The following NRXN1 variants were observed in gnomAD, a reference collection of about 807,000 sequenced individuals.
NRXN1 encodes the protein neurexin 1, also known as neurexin-1.
In NRXN1, 39 loss-of-function variants were observed where a neutral mutation model predicts 150.9. The ratio of observed to expected loss-of-function variants is 0.26; its 90% CI spans 0.20 to 0.34. NRXN1 has a LOEUF of 0.34. Ranked by LOEUF, NRXN1 falls within the 10% of genes least tolerant of loss-of-function variation. The pLI, the probability that NRXN1 is intolerant of heterozygous loss-of-function variation, is 1.00. For synonymous variants in NRXN1, 924 were observed against 757.0 expected, an observed-to-expected ratio of 1.22 and a Z score of -3.62; for missense variants, 1,815 against 1,949.9, an observed-to-expected ratio of 0.93 and a Z score of 1.30.
intron 18 of NRXN1, among the ~76,000 whole-genome samples, chr2:50,111,814 A>C (rs910012235): frequency 6.6e-6 from 1 of 152,054 alleles, no homozygotes; most frequent in Non-Finnish European, 1.5e-5. Context: ...CCATTCTTTA[A>C]CTATCAATCC....
At chr2:50,095,578 A>T (rs1700105779) in intron 18 of NRXN1, among the ~76,000 whole-genome samples, 2 of 152,144 alleles carry the variant, frequency 1.3e-5, no homozygotes, top group Non-Finnish European at 2.9e-5. Context: ...TAAAGGTGAA[A>T]AATGCACTAA....
intron 9 of NRXN1, chr2:50,551,486 C>T (rs749839500): frequency 2.6e-5 from 4 of 152,106 alleles, no homozygotes; most frequent in Non-Finnish European, 4.4e-5. Flanking sequence ...AGGGTATGAG[C>T]AAGAGAGTTC....
intron 18 of NRXN1, among the ~76,000 whole-genome samples, chr2:50,164,699 T>G (rs2059567428): frequency 6.6e-6 from 1 of 152,164 alleles, no homozygotes; most frequent in Non-Finnish European, 1.5e-5. Context: ...CCCCACCGCC[T>G]AATCCTCCTT....
intron 5 of NRXN1, among the ~76,000 whole-genome samples, chr2:50,827,336 CAGTT>C (rs945993712): frequency 3.9e-5 from 6 of 152,074 alleles, no homozygotes; most frequent in African/African-American, 1.4e-4. Flanking sequence ...TGTTTCATAG[CAGTT>C]AGTTTTTTGA....
chr2:50,476,766 C>G (rs1382982751), intron 15 of NRXN1, among the ~76,000 whole-genome samples: 1 of 152,106 alleles, frequency 6.6e-6, no homozygotes, highest in Non-Finnish European at 1.5e-5. Flanking sequence ...GTGCCTTACA[C>G]TATTCTAAAA....
intron 21 of NRXN1, among the ~76,000 whole-genome samples, chr2:50,033,215 G>T (rs1689446434): frequency 6.6e-6 from 1 of 151,920 alleles, no homozygotes. Context: ...CATGCTACCT[G>T]ATTTCAAAGA....
At chr2:50,471,162 A>G (rs558352600) in intron 16 of NRXN1, among the ~76,000 whole-genome samples, 2 of 151,784 alleles carry the variant, frequency 1.3e-5, no homozygotes, top group Admixed American at 6.6e-5. Context: ...TGGATGAACT[A>G]TATAGTCGTG....
intron 5 of NRXN1, among the ~76,000 whole-genome samples, chr2:50,798,075 G>A (rs977530860): frequency 2.6e-4 from 40 of 152,012 alleles, no homozygotes; most frequent in Non-Finnish European, 1.9e-4. Flanking sequence ...ACCAGGAGAA[G>A]GAAAGAGAAT....
chr2:50,215,621 T>C (rs1414450455), intron 18 of NRXN1, among the ~76,000 whole-genome samples: 2 of 152,046 alleles, frequency 1.3e-5, no homozygotes, highest in African/African-American at 4.8e-5. Context: ...ATATGCACAG[T>C]AAAAAGAATT....
At chr2:50,352,720 A>T (rs2078498459) in intron 17 of NRXN1, among the ~76,000 whole-genome samples, 2 of 150,072 alleles carry the variant, frequency 1.3e-5, no homozygotes, top group African/African-American at 4.9e-5. Context: ...CAGGTCCCTA[A>T]GAGTAAGATC....
At chr2:51,022,431 G>A (rs1360422935) in intron 2 of NRXN1, among the ~76,000 whole-genome samples, 1 of 152,022 alleles carries the variant, frequency 6.6e-6, no homozygotes, top group Non-Finnish European at 1.5e-5. Context: ...CTCAGAATAG[G>A]AAAACAAAAT....
intron 17 of NRXN1, among the ~76,000 whole-genome samples, chr2:50,295,792 C>A (rs2073491151): frequency 6.6e-6 from 1 of 152,172 alleles, no homozygotes; most frequent in South Asian, 2.1e-4. Context: ...AAGGGAATTT[C>A]TCACAAAACC....
At chr2:50,762,081 A>G (rs192701850) in intron 5 of NRXN1, among the ~76,000 whole-genome samples, 1 of 150,852 alleles carries the variant, frequency 6.6e-6, no homozygotes, top group East Asian at 2.0e-4. Flanking sequence ...GATCATGTGA[A>G]TCAATACTCC....
chr2:50,336,010 C>A (rs2077168949), intron 17 of NRXN1, among the ~76,000 whole-genome samples: 1 of 151,894 alleles, frequency 6.6e-6, no homozygotes, highest in African/African-American at 2.4e-5. Flanking sequence ...ATCAAGTCTT[C>A]ACAACAGTCC....
At chr2:50,712,511 G>A (rs1013616876) in intron 5 of NRXN1, among the ~76,000 whole-genome samples, 1 of 151,982 alleles carries the variant, frequency 6.6e-6, no homozygotes, top group African/African-American at 2.4e-5. Flanking sequence ...GCCAAACCAG[G>A]TCCCCTGTGT....
chr2:50,516,663 T>C (rs1281785708), intron 12 of NRXN1, among the ~76,000 whole-genome samples: 1 of 152,148 alleles, frequency 6.6e-6, no homozygotes. Flanking sequence ...TCCTTTCTCT[T>C]TTCCTTCTCT....
chr2:50,148,019 C>T (rs550227932), intron 18 of NRXN1, among the ~76,000 whole-genome samples: 1 of 151,688 alleles, frequency 6.6e-6, no homozygotes, highest in African/African-American at 2.4e-5. Flanking sequence ...TACAGGTTCT[C>T]CAGTCTTATG....
chr2:50,563,357 G>C (rs560640093), intron 8 of NRXN1, among the ~76,000 whole-genome samples: 37 of 152,300 alleles, frequency 2.4e-4, no homozygotes, highest in African/African-American at 8.9e-4. Flanking sequence ...TTATTAGTTG[G>C]AGGATAGATA....
chr2:50,130,337 TAGA>T (rs1487867678), intron 18 of NRXN1, among the ~76,000 whole-genome samples: 1 of 152,076 alleles, frequency 6.6e-6, no homozygotes, highest in Non-Finnish European at 1.5e-5. Flanking sequence ...CAGCTTTTGG[TAGA>T]AGGAGCAATA....
Sources: gnomAD v4.1 joint callset for allele counts (sites outside exome capture counted in the v4.1 genomes callset) on GRCh38, gnomAD v4.1.1 for gene constraint, MANE v1.5 for transcripts, NCBI Gene and HGNC (gene_info 2026-07-23, HGNC 2026-07-21) for gene names.